The following ADAMTS19 variants were observed in gnomAD, a reference collection of about 807,000 sequenced individuals.
ADAMTS19 encodes ADAM metallopeptidase with thrombospondin type 1 motif 19, also known as A disintegrin and metalloproteinase with thrombospondin motifs 19.
A neutral mutation model predicts 153.3 loss-of-function variants in ADAMTS19; 93 were observed. The ratio of observed to expected loss-of-function variants is 0.61; its 90% confidence interval spans 0.51 to 0.72. The LOEUF is 0.72. ADAMTS19 is among the 30% of genes least tolerant of loss of function. The pLI is 0.00. For synonymous variants in ADAMTS19, 600 were observed against 556.6 expected (o/e 1.08, Z -1.10); for missense variants, 1,482 against 1,552.1 (o/e 0.95, Z 0.76).
chr5:129,683,106 G>C (rs1269588380), intron 17 of ADAMTS19, among the ~76,000 whole-genome samples: 1 of 151,658 alleles, frequency 6.6e-6, no homozygotes, highest in Non-Finnish European at 1.5e-5. Flanking sequence ...TATATAGATT[G>C]TTTCCATAGA....
intron 6 of ADAMTS19, among the ~76,000 whole-genome samples, chr5:129,538,956 C>G (rs2126793870): frequency 6.6e-6 from 1 of 152,250 alleles, no homozygotes; most frequent in South Asian, 2.1e-4. Context: ...AACTTCTACT[C>G]TGCTCTCCAA....
At chr5:129,720,179 T>A (rs13362210) in intron 21 of ADAMTS19, among the ~76,000 whole-genome samples, 22,839 of 146,758 alleles carry the variant, frequency 0.16, 1,994 homozygotes, top group East Asian at 0.3. Flanking sequence ...TATTTATTTT[T>A]TTTTTTTTTG....
intron 7 of ADAMTS19, among the ~76,000 whole-genome samples, chr5:129,580,337 T>C (rs912929854): frequency 6.6e-6 from 1 of 152,200 alleles, no homozygotes; most frequent in Non-Finnish European, 1.5e-5. Flanking sequence ...GATTTTGGGC[T>C]GAAACGATGG....
chr5:129,548,394 G>C (rs1752940486), intron 6 of ADAMTS19, among the ~76,000 whole-genome samples: 1 of 150,332 alleles, frequency 6.7e-6, no homozygotes, highest in Non-Finnish European at 1.5e-5. Flanking sequence ...CTCAAAAGAA[G>C]ACATTTATGC....
intron 2 of ADAMTS19, among the ~76,000 whole-genome samples, chr5:129,479,184 T>C (rs1750329103): frequency 3.3e-5 from 5 of 152,190 alleles, no homozygotes; most frequent in Admixed American, 2.6e-4. Flanking sequence ...GAAGATACTT[T>C]GTTGCTTCAG....
chr5:129,728,236 C>T (rs945867752), intron 21 of ADAMTS19, among the ~76,000 whole-genome samples: 2 of 152,112 alleles, frequency 1.3e-5, no homozygotes, highest in African/African-American at 4.8e-5. Flanking sequence ...CCACCTCTGT[C>T]CCGGAAAATT....
chr5:129,545,978 A>G (rs1425581016), intron 6 of ADAMTS19, among the ~76,000 whole-genome samples: 1 of 149,258 alleles, frequency 6.7e-6, no homozygotes, highest in Non-Finnish European at 1.5e-5. Flanking sequence ...AAAGACTTGG[A>G]ACCAACCCAA....
At chr5:129,515,602 G>T (rs1288629707) in intron 3 of ADAMTS19, among the ~76,000 whole-genome samples, 1 of 151,818 alleles carries the variant, frequency 6.6e-6, no homozygotes, top group African/African-American at 2.4e-5. Flanking sequence ...GTTCACTGTT[G>T]GCATATAGAA....
intron 2 of ADAMTS19, among the ~76,000 whole-genome samples, chr5:129,478,632 G>A (rs184122717): frequency 2.6e-5 from 4 of 152,138 alleles, no homozygotes; most frequent in Non-Finnish European, 4.4e-5. Flanking sequence ...CTGCCACCTC[G>A]AACTCCCATG....
chr5:129,498,568 T>C (rs1470337079), intron 2 of ADAMTS19, among the ~76,000 whole-genome samples: 1 of 152,094 alleles, frequency 6.6e-6, no homozygotes, highest in Non-Finnish European at 1.5e-5. Context: ...TTATAAATGA[T>C]AATTAGAAGT....
At chr5:129,714,765 A>C (rs1229008059) in intron 21 of ADAMTS19, among the ~76,000 whole-genome samples, 1 of 152,228 alleles carries the variant, frequency 6.6e-6, no homozygotes, top group African/African-American at 2.4e-5. Flanking sequence ...TCTTTGACTC[A>C]GCAAAAATTT....
At chr5:129,651,183 A>G (rs887829256) in intron 13 of ADAMTS19, among the ~76,000 whole-genome samples, 5 of 152,148 alleles carry the variant, frequency 3.3e-5, no homozygotes, top group African/African-American at 1.2e-4. Flanking sequence ...TATGACTTCA[A>G]ATATGCAAAT....
intron 2 of ADAMTS19, among the ~76,000 whole-genome samples, chr5:129,465,204 A>C (rs936173054): frequency 6.6e-6 from 1 of 152,210 alleles, no homozygotes; most frequent in Non-Finnish European, 1.5e-5. Context: ...GAAGTACTTT[A>C]TGCTACTTTA....
chr5:129,726,746 G>A (rs1368653729), intron 21 of ADAMTS19, among the ~76,000 whole-genome samples: 1 of 152,022 alleles, frequency 6.6e-6, no homozygotes, highest in East Asian at 1.9e-4. Context: ...TCCTTATGGG[G>A]CATGTCTTTG....
At chr5:129,736,108 T>C (rs982957643) in intron 22 of ADAMTS19, among the ~76,000 whole-genome samples, 1 of 152,020 alleles carries the variant, frequency 6.6e-6, no homozygotes, top group Non-Finnish European at 1.5e-5. Flanking sequence ...TGAATAACAC[T>C]AATTAAGACA....
intron 2 of ADAMTS19, among the ~76,000 whole-genome samples, chr5:129,487,697 G>T (rs1055717118): frequency 1.3e-5 from 2 of 151,846 alleles, no homozygotes; most frequent in African/African-American, 4.8e-5. Flanking sequence ...CTGTTTCCTT[G>T]GCACTCAGGG....
At chr5:129,616,590 T>C (rs1245286656) in intron 8 of ADAMTS19, among the ~76,000 whole-genome samples, 1 of 152,064 alleles carries the variant, frequency 6.6e-6, no homozygotes, top group Non-Finnish European at 1.5e-5. Context: ...CAAAGATTTT[T>C]AAACAAGCTG....
intron 2 of ADAMTS19, among the ~76,000 whole-genome samples, chr5:129,467,081 A>T (rs1183351452): frequency 6.6e-6 from 1 of 152,220 alleles, no homozygotes; most frequent in South Asian, 2.1e-4. Context: ...ATATTTAAAT[A>T]TTGATTAAAT....
chr5:129,622,195 C>A lies in ADAMTS19; in HGVS notation c.1620-3C>A. ...AAGTTTACACATACCTGCCTATTGCCAGGTCAAAGGCCAGTAACTGCTTGC... is the reference window on the plus strand; with the variant it reads ...AAGTTTACACATACCTGCCTATTGCAAGGTCAAAGGCCAGTAACTGCTTGC... On this transcript the variant is annotated splice_region_variant and splice_polypyrimidine_tract_variant and intron_variant, in intron 9 of 22. Transcript: ENST00000274487. 6.2e-7 allele frequency: 1 copy of A among 1,613,970 alleles called. No individual in the cohort carries two copies. Among genetic ancestry groups the A allele is most frequent in the Non-Finnish European group, 8.5e-7 (1 of 1,179,932 alleles).
Sources: allele counts gnomAD v4.1 joint callset (sites outside exome capture counted in the v4.1 genomes callset), GRCh38; gene constraint gnomAD v4.1.1; transcripts MANE v1.5; gene names NCBI Gene and HGNC (gene_info 2026-07-23, HGNC 2026-07-21).